ARHGEF10L: variants seen among roughly 807,000 people sequenced by gnomAD.
ARHGEF10L encodes Rho guanine nucleotide exchange factor 10 like, also known as rho guanine nucleotide exchange factor 10-like protein.
In ARHGEF10L, 69 loss-of-function variants were observed where a neutral mutation model predicts 141.2. That is an observed-to-expected ratio of 0.49 (90% CI 0.40 to 0.60). The LOEUF is 0.60. ARHGEF10L is among the 20% of genes least tolerant of loss of function. The probability of loss-of-function intolerance (pLI) is 0.00; values close to 1 mark genes in which losing one functional copy is unlikely to be tolerated. For missense variants in ARHGEF10L, 1,482 were observed against 1,734.3 expected, an observed-to-expected ratio of 0.85 and a Z score of 2.58; for synonymous variants, 711 against 718.5, an observed-to-expected ratio of 0.99 and a Z score of 0.17.
rs551090221 is a variant in ARHGEF10L at position 17,644,644 on chromosome 1, A to T, written c.2273-3910A>T. 6.6e-6 allele frequency among the ~76,000 whole-genome samples: 1 copy of T among 152,276 alleles called. No individual in the cohort carries two copies. Among genetic ancestry groups the T allele is most frequent in the East Asian group, 1.9e-4 (1 of 5,172 alleles). Reference sequence around the variant, plus strand: ...TGGGGAGGTGTGAGCGGTATCTTGAAGGTGGCTTTAAGTTTGGGAAGTTCG... The same window carrying T: ...TGGGGAGGTGTGAGCGGTATCTTGATGGTGGCTTTAAGTTTGGGAAGTTCG... On this transcript the variant is annotated intron_variant, in intron 21 of 28. Transcript: ENST00000361221. The surrounding 1 kb of genome is among the most constrained non-coding windows in gnomAD (Gnocchi z 4.5).
In ARHGEF10L at chr1:17,603,255, C is replaced by T. The variant is rs975703250; in HGVS notation, c.350-253C>T. On this transcript the variant is annotated intron_variant, in intron 5 of 28. Coordinates refer to ENST00000361221, the MANE Select transcript of ARHGEF10L (RefSeq NM_018125.4). The surrounding 1 kb of genome is among the most constrained non-coding windows in gnomAD (Gnocchi z 4.8). Reference sequence around the variant, plus strand: ...GCTGTCCATTAGCCAGATGGGCAGGCCTGCGGGCAGCAGGGAGCCAGGTGG... The same window carrying T: ...GCTGTCCATTAGCCAGATGGGCAGGTCTGCGGGCAGCAGGGAGCCAGGTGG... 7.2e-6 allele frequency among the ~76,000 whole-genome samples: 1 copy of T among 138,848 alleles called. No homozygotes were observed. Among genetic ancestry groups the T allele is most frequent in the African/African-American group, 2.8e-5 (1 of 36,304 alleles). 91.1% of individuals were successfully genotyped at this position (138,848 alleles called of 152,430 possible). A position where few individuals can be genotyped will look rare whatever the true frequency, so the allele number is the denominator to read the frequency against.
intron 4 of ARHGEF10L, among the ~76,000 whole-genome samples, chr1:17,591,086 G>A (rs917292219): frequency 1.3e-5 from 2 of 152,160 alleles, no homozygotes; most frequent in African/African-American, 4.8e-5. Flanking sequence ...ATTGGATTCT[G>A]ACTCTGGCAG....
intron 27 of ARHGEF10L, among the ~76,000 whole-genome samples, chr1:17,692,731 C>A (rs1230667825): frequency 6.6e-6 from 1 of 152,246 alleles, no homozygotes; most frequent in Non-Finnish European, 1.5e-5. Flanking sequence ...ACTCCCCTGC[C>A]TAGGCCTTCC....
Position 17,555,770 on chromosome 1 carries a change from CA to C in ARHGEF10L, c.-44+15821del, listed in dbSNP as rs541778582. Among the ~76,000 whole-genome samples the C allele has an allele frequency of 1.1e-4, 17 of 152,304 alleles. No individual in the cohort carries two copies. The South Asian group carries it at 3.3e-3, about 30-fold the overall frequency. ...GGTCAGGAGCACCATAACCATGCCC[CA>C]CCTGCATCTGTTCTTGCTTCTTTCT... On this transcript the variant is annotated intron_variant, in intron 1 of 28. Coordinates refer to ENST00000361221, the MANE Select transcript of ARHGEF10L (RefSeq NM_018125.4).
At chr1:17,583,263 G>C (rs1013627528) in intron 2 of ARHGEF10L, among the ~76,000 whole-genome samples, 4 of 151,862 alleles carry the variant, frequency 2.6e-5, no homozygotes, top group African/African-American at 9.7e-5. Context: ...ACATGGCTGG[G>C]GGCAGGGTTG....
intron 1 of ARHGEF10L, among the ~76,000 whole-genome samples, chr1:17,566,539 G>C (rs1557715388): frequency 1.3e-5 from 2 of 152,250 alleles, no homozygotes; most frequent in Admixed American, 6.5e-5. Flanking sequence ...GGGGCCCTTG[G>C]AGGCTGTGCA....
At chr1:17,609,779 A>T in intron 7 of ARHGEF10L, among the ~76,000 whole-genome samples, 1 of 152,162 alleles carries the variant, frequency 6.6e-6, no homozygotes, top group Non-Finnish European at 1.5e-5. Flanking sequence ...AGGACAGGTG[A>T]TCCAGGCTGG....
chr1:17,547,481 G>A (rs748984769), intron 1 of ARHGEF10L, among the ~76,000 whole-genome samples: 9 of 152,246 alleles, frequency 5.9e-5, no homozygotes, highest in South Asian at 4.1e-4. Flanking sequence ...CCAGAATCCC[G>A]GCCATTAGCA....
At position 17,639,606 on chromosome 1, in the gene ARHGEF10L, G is replaced by C. The variant is rs1324583956; in HGVS notation, c.2172-596G>C. Reference sequence around the variant, plus strand: ...CTCCACGTGCACCCTAGAGGCTTGTGACACTGCCCTGCCCACCTCCCAAAG... The same window carrying C: ...CTCCACGTGCACCCTAGAGGCTTGTCACACTGCCCTGCCCACCTCCCAAAG... On this transcript the variant is annotated intron_variant, in intron 20 of 28. Transcript: ENST00000361221. This position sits in a 1 kb window ranked among gnomAD's most constrained non-coding sequence, Gnocchi z 4.3. The C allele has an allele frequency of 5.7e-6, 2 of 352,252 alleles. No homozygotes were observed. The highest frequency in any genetic ancestry group is 4.3e-5 in the African/African-American group (2 of 46,512). The allele number at this position is 352,252 out of a possible 1,614,324, so 21.8% of individuals were successfully genotyped here.
intron 18 of ARHGEF10L, among the ~76,000 whole-genome samples, chr1:17,635,776 G>A (rs949733224): frequency 6.6e-6 from 1 of 152,160 alleles, no homozygotes; most frequent in Admixed American, 6.5e-5. Flanking sequence ...AGGGTACGGT[G>A]GGCATTAATA....
intron 27 of ARHGEF10L, among the ~76,000 whole-genome samples, chr1:17,692,564 C>T (rs2102575854): frequency 6.6e-6 from 1 of 152,300 alleles, no homozygotes; most frequent in Admixed American, 6.5e-5. Flanking sequence ...TGTCGCTCTG[C>T]TCCAAACAGG....
intron 4 of ARHGEF10L, among the ~76,000 whole-genome samples, chr1:17,596,887 A>G (rs532398023): frequency 7.2e-5 from 11 of 152,344 alleles, no homozygotes; most frequent in Non-Finnish European, 1.5e-4. Context: ...CCCTGTCTCA[A>G]CTAAAAATAC....
At chr1:17,528,012 G>A in the ARHGEF10L span, among the ~76,000 whole-genome samples, 1 of 151,840 alleles carries the variant, frequency 6.6e-6, no homozygotes, top group African/African-American at 2.4e-5. Context: ...GGGACCACAG[G>A]CATGAGCCAC....
At chr1:17,592,660 G>A (rs575327270) in intron 4 of ARHGEF10L, among the ~76,000 whole-genome samples, 22 of 152,194 alleles carry the variant, frequency 1.4e-4, no homozygotes, top group Non-Finnish European at 2.4e-4. Flanking sequence ...GGAAGGGCAG[G>A]TCAGCAAGGC....
intron 26 of ARHGEF10L, among the ~76,000 whole-genome samples, chr1:17,672,181 C>A (rs2063362698): frequency 6.6e-6 from 1 of 150,922 alleles, no homozygotes; most frequent in South Asian, 2.1e-4. Context: ...CCCTTGATTT[C>A]CCCTGCCCAC....
At chr1:17,524,340 G>A in the ARHGEF10L span, among the ~76,000 whole-genome samples, 63 of 138,986 alleles carry the variant, frequency 4.5e-4, no homozygotes, top group African/African-American at 1.6e-3. Context: ...GATCAGCCTG[G>A]GCAACATAAT....
intron 4 of ARHGEF10L, among the ~76,000 whole-genome samples, chr1:17,593,701 G>A (rs546557781): frequency 9.9e-5 from 15 of 152,098 alleles, no homozygotes; most frequent in East Asian, 5.8e-4. Flanking sequence ...TTAGCCCTGC[G>A]AACCCCTTGA....
intron 4 of ARHGEF10L, among the ~76,000 whole-genome samples, chr1:17,595,318 G>A (rs746659915): frequency 6.8e-6 from 1 of 146,298 alleles, no homozygotes; most frequent in Non-Finnish European, 1.5e-5. Context: ...CATGGCTCTC[G>A]ATACATTTTT....
intron 1 of ARHGEF10L, among the ~76,000 whole-genome samples, chr1:17,572,177 C>A (rs1340482768): frequency 6.6e-6 from 1 of 152,224 alleles, no homozygotes; most frequent in Admixed American, 6.5e-5. Context: ...GTCAGTCCAC[C>A]CGATGTGGGA....
Sources: gnomAD v4.1 joint callset for allele counts (sites outside exome capture counted in the v4.1 genomes callset) on GRCh38, gnomAD v4.1.1 for gene constraint, Gnocchi (gnomAD v3.1) non-coding constraint, MANE v1.5 for transcripts, NCBI Gene and HGNC (gene_info 2026-07-23, HGNC 2026-07-21) for gene names.